ZP1: variants seen among roughly 807,000 people sequenced by gnomAD.
ZP1 encodes zona pellucida glycoprotein 1, also known as zona pellucida sperm-binding protein 1.
Under a neutral mutation model 67.4 loss-of-function variants are expected in ZP1, and 58 were observed. The ratio of observed to expected loss-of-function variants is 0.86; its 90% CI spans 0.70 to 1.07. The LOEUF is 1.07. Among genes scored for constraint, ZP1 ranks in the 50% least tolerant of loss-of-function variants. ZP1 has a pLI of 0.00. For missense variants in ZP1, 759 were observed against 807.3 expected (o/e 0.94, Z 0.72); for synonymous variants, 333 against 332.7 (o/e 1.00, Z -0.01).
Position 60,873,730 on chromosome 11 carries a change from C to T in ZP1, c.1527C>T (p.Thr509=), listed in dbSNP as rs1855639417. The change falls in exon 9 of 12, where the codon ACC becomes ACT. Residue 509 remains threonine, a synonymous_variant. Transcript: ENST00000278853. ...ACTACCAGCGATTCACTGTTGCTACCTTCGCCCTCCTGGACTCAGGCTCCC... is the reference window on the plus strand; with the variant it reads ...ACTACCAGCGATTCACTGTTGCTACTTTCGCCCTCCTGGACTCAGGCTCCC... ...QSHYQRFTVA[T]FALLDSGSQR... is the part of the protein sequence containing the mutation. The T allele has an allele frequency of 6.2e-7, 1 of 1,614,056 alleles. No homozygotes were observed. Among genetic ancestry groups the T allele is most frequent in the African/African-American group, 1.3e-5 (1 of 74,946 alleles).
intron 1 of ZP1, 31 bp from the exon 2 acceptor site, chr11:60,869,114 A>G: frequency 6.2e-7 from 1 of 1,613,652 alleles, no homozygotes; most frequent in Non-Finnish European, 8.5e-7. Flanking sequence ...ACCCTTCAAC[A>G]TCCCTGGCCC....
Position 60,873,535 on chromosome 11 carries a change from G to C in ZP1, c.1401G>C (p.Gln467His). The C allele has an allele frequency of 1.2e-6, 2 of 1,612,614 alleles. No homozygotes were observed. The highest frequency in any genetic ancestry group is 2.2e-5 in the South Asian group (2 of 91,062). ...CWGAPSANPF[Q>H]QPQWPILSDG... ...GCGCTCCCAGTGCCAACCCCTTCCAGCAGCCCCAGTGGCCCATCCTGTCAG... is the reference window on the plus strand; with the variant it reads ...GCGCTCCCAGTGCCAACCCCTTCCACCAGCCCCAGTGGCCCATCCTGTCAG... The change falls in exon 8 of 12, where the codon CAG becomes CAC. Residue 467 changes from glutamine (Q) to histidine (H), a missense_variant. Coordinates refer to ENST00000278853, the MANE Select transcript of ZP1 (RefSeq NM_207341.4).
intron 9 of ZP1, among the ~76,000 whole-genome samples, chr11:60,874,347 G>A (rs1447169219): frequency 2.0e-5 from 3 of 152,228 alleles, no homozygotes; most frequent in Admixed American, 2.0e-4. Flanking sequence ...CTGCCCATGA[G>A]TGGGGCCTCC....
intron 6 of ZP1, among the ~76,000 whole-genome samples, chr11:60,872,601 A>G (rs188778568): frequency 9.7e-4 from 148 of 152,334 alleles, no homozygotes; most frequent in African/African-American, 3.3e-3. Flanking sequence ...TACAAGGACA[A>G]TGAAGACACA....
At position 60,875,551 on chromosome 11, in the gene ZP1, G is replaced by A. The variant is rs753130244; in HGVS notation, c.1812G>A (p.Trp604Ter). The change falls in exon 12 of 12, where the codon TGG (tryptophan) becomes TGA (stop). Residue 604 changes from tryptophan (W) to a stop codon, truncating the protein, a stop_gained. Coordinates refer to ENST00000278853, the MANE Select transcript of ZP1 (RefSeq NM_207341.4). LOFTEE classifies it low-confidence loss of function (END_TRUNC). ...ACTCCAGCCTGAGACCTCTCCTTTG[G>A]GCGGTCCTTTTGCTGCCAGCTGTTG... is the stretch of plus-strand genomic sequence containing the variant. ...NGNSSLRPLL[W>*]AVLLLPAVAL... The A allele has an allele frequency of 6.8e-6, 11 of 1,614,080 alleles. No individual in the cohort carries two copies. Among genetic ancestry groups the A allele is most frequent in the Non-Finnish European group, 9.3e-6 (11 of 1,179,994 alleles).
chr11:60,870,489 C>G lies in ZP1; in HGVS notation c.826+14C>G. The G allele has an allele frequency of 6.3e-7, 1 of 1,592,044 alleles. No homozygotes were observed. Among genetic ancestry groups the G allele is most frequent in the Non-Finnish European group, 8.6e-7 (1 of 1,167,890 alleles). On this transcript the variant is annotated intron_variant, in intron 4 of 11. Coordinates refer to ENST00000278853, the MANE Select transcript of ZP1 (RefSeq NM_207341.4). ...ATGGCAACACAGGTACAACCTCCCACCCCAGCAAGATCCTGGTCCCTTGGA... is the reference window on the plus strand; with the variant it reads ...ATGGCAACACAGGTACAACCTCCCAGCCCAGCAAGATCCTGGTCCCTTGGA...
rs187270635 is a variant in ZP1 at position 60,868,356 on chromosome 11, C to T, written c.196+599C>T. On this transcript the variant is annotated intron_variant, in intron 1 of 11. Coordinates refer to ENST00000278853, the MANE Select transcript of ZP1 (RefSeq NM_207341.4). The stretch of plus-strand genomic sequence containing the variant: ...GCCACTGCACCCAGCCTAGGCTCTG[C>T]ATCTCTAACCACGCTCAGTCAAAAC... Among the ~76,000 whole-genome samples, 194 of 152,336 alleles carry T rather than the reference C, an allele frequency of 1.3e-3. 3 individuals are homozygous for T. Among genetic ancestry groups the T allele is most frequent in the African/African-American group, 4.5e-3 (186 of 41,580 alleles).
At chr11:60,875,315 A>G in intron 11 of ZP1, 67 bp downstream of exon 11, 1 of 1,557,896 alleles carries the variant, frequency 6.4e-7, no homozygotes, top group Non-Finnish European at 8.6e-7. Context: ...TGTGCTGACA[A>G]AACAGGGATG....
chr11:60,873,010 G>A, intron 6 of ZP1, 152 bp from the exon 7 acceptor site: 5 of 863,620 alleles, frequency 5.8e-6, no homozygotes, highest in South Asian at 2.2e-5. Flanking sequence ...AGCCTGCCTT[G>A]GAAATGCTGA....
chr11:60,874,965 C>T lies in ZP1; in HGVS notation c.1605C>T (p.His535=), dbSNP rs1855672376. The T allele has an allele frequency of 1.9e-6, 3 of 1,614,134 alleles. No individual in the cohort carries two copies. Among genetic ancestry groups the T allele is most frequent in the South Asian group, 1.1e-5 (1 of 91,096 alleles). ...VYLFCSTSAC[H]TSGLETCSTA... is the part of the protein sequence containing the mutation. ...TGTTCTGCAGCACCTCTGCCTGCCA[C>T]ACCTCAGGGCTGGAGACTTGCTCCA... The change falls in exon 10 of 12, where the codon CAC becomes CAT. Residue 535 remains histidine (H), a synonymous_variant. Transcript: ENST00000278853.
At position 60,867,753 on chromosome 11, in the gene ZP1, G is replaced by A. The variant is rs1259871715; in HGVS notation, c.192G>A (p.Val64=). ...CAGGCCAGACTCTCCGCTTCAAGGT[G>A]GTGGGTGAGTGCTGGCAGAGTCCTG... is the stretch of plus-strand genomic sequence containing the variant. ...PRPGQTLRFK[V]VDEFGNRFDV... The change falls in exon 1 of 12, where the codon GTG becomes GTA. Residue 64 remains valine, a synonymous_variant. Coordinates refer to ENST00000278853, the MANE Select transcript of ZP1 (RefSeq NM_207341.4). 2 of 1,613,228 alleles carry A rather than the reference G, an allele frequency of 1.2e-6. No homozygotes were observed. Among genetic ancestry groups the A allele is most frequent in the Non-Finnish European group, 8.5e-7 (1 of 1,179,648 alleles).
At chr11:60,872,793 C>T (rs1371231437) in intron 6 of ZP1, among the ~76,000 whole-genome samples, 1 of 152,202 alleles carries the variant, frequency 6.6e-6, no homozygotes, top group Non-Finnish European at 1.5e-5. Context: ...GGCTCATTCA[C>T]CAGCCTCAAC....
Position 60,875,134 on chromosome 11 carries a change from C to T in ZP1, c.1660C>T (p.Arg554Ter), listed in dbSNP as rs748241782. 3.4e-5 allele frequency: 55 copies of T among 1,613,736 alleles called. No homozygotes were observed. Among genetic ancestry groups the T allele is most frequent in the Non-Finnish European group, 4.0e-5 (47 of 1,179,982 alleles). The change falls in exon 11 of 12, where the codon CGA (arginine) becomes TGA (stop). Residue 554 changes from arginine (R) to a stop codon, truncating the protein, a stop_gained. Coordinates refer to ENST00000278853, the MANE Select transcript of ZP1 (RefSeq NM_207341.4). LOFTEE classifies it high-confidence loss of function. ...TACSTGTTRQRRSSGHRNDTA... is the reference protein window; with the variant it reads ...TACSTGTTRQ ...TTCATTCTTCCCCTGGGCAGGACAGCGACGATCCTCAGGTCACCGTAATGA... is the reference window on the plus strand; with the variant it reads ...TTCATTCTTCCCCTGGGCAGGACAGTGACGATCCTCAGGTCACCGTAATGA...
chr11:60,871,116 C>G lies in ZP1; in HGVS notation c.986C>G (p.Pro329Arg). ...GAAGCTTTCGTGGTCTTCTACTTCC[C>G]TCTCACCCACTGTGGAACCACAATG... ...HTEAFVVFYFPLTHCGTTMQV... is the reference protein window; with the variant it reads ...HTEAFVVFYFRLTHCGTTMQV... The change falls in exon 5 of 12, where the codon CCT becomes CGT. Residue 329 changes from proline (P) to arginine (R), a missense_variant. Pro to Arg is a moderately radical substitution (Grantham distance 103). Transcript: ENST00000278853. 1.2e-6 allele frequency: 2 copies of G among 1,614,138 alleles called. No homozygotes were observed. The highest frequency in any genetic ancestry group is 1.7e-6 in the Non-Finnish European group (2 of 1,179,990).
In ZP1 at chr11:60,871,014, C is replaced by T. The variant is rs550354924; in HGVS notation, c.884C>T (p.Ala295Val). ...YFVLVVSQEM[A>V]LTHRITLANI... ...GTCCTCGTGGTGTCCCAAGAAATGG[C>T]CTTGACACACAGGATCACACTGGCC... The change falls in exon 5 of 12, where the codon GCC (alanine) becomes GTC (valine). Residue 295 changes from alanine to valine, a missense_variant. Coordinates refer to ENST00000278853, the MANE Select transcript of ZP1 (RefSeq NM_207341.4). The T allele has an allele frequency of 8.1e-6, 13 of 1,614,228 alleles. No individual in the cohort carries two copies. Among genetic ancestry groups the T allele is most frequent in the South Asian group, 7.7e-5 (7 of 91,082 alleles).
rs1484283924 is a variant in ZP1 at position 60,875,470 on chromosome 11, T to C, written c.1775-44T>C. 6 of 1,607,816 alleles carry C rather than the reference T, an allele frequency of 3.7e-6. No homozygotes were observed. The African/African-American group carries it at 6.7e-5, about 18-fold the overall frequency. On this transcript the variant is annotated intron_variant, in intron 11 of 11. Coordinates refer to ENST00000278853, the MANE Select transcript of ZP1 (RefSeq NM_207341.4). ...AAAGTTCTGGGGTGGAGGGGAGGGT[T>C]GGAGGGGCCTCACCCAGCCCTGCCA... is the stretch of plus-strand genomic sequence containing the variant.
chr11:60,869,273 GTTGTT>G lies in ZP1; in HGVS notation c.318+8_318+12del. 6.2e-7 allele frequency: 1 copy of G among 1,614,138 alleles called. No homozygotes were observed. The highest frequency in any genetic ancestry group is 8.5e-7 in the Non-Finnish European group (1 of 1,180,010). On this transcript the variant is annotated splice_region_variant and intron_variant, in intron 2 of 11. Coordinates refer to ENST00000278853, the MANE Select transcript of ZP1 (RefSeq NM_207341.4). ...CTGCCACGTGCTGGAGAAGGTAGGG[GTTGTT>G]CATGCTCTGGCACAGGGGCAAGCTT...
chr11:60,869,836 C>G lies in ZP1; in HGVS notation c.618C>G (p.Ala206=), dbSNP rs1185997066. 6.2e-7 allele frequency: 1 copy of G among 1,604,430 alleles called. No individual in the cohort carries two copies. The highest frequency in any genetic ancestry group is 1.1e-5 in the South Asian group (1 of 89,378). The change falls in exon 3 of 12, where the codon GCC becomes GCG. Residue 206 remains alanine (A), a synonymous_variant. Coordinates refer to ENST00000278853, the MANE Select transcript of ZP1 (RefSeq NM_207341.4). Reference sequence around the variant, plus strand: ...CCCCTGGACCTGGACCTACCCTCGCCACCCTGGCTCAACCCCACTGGGGCA... The same window carrying G: ...CCCCTGGACCTGGACCTACCCTCGCGACCCTGGCTCAACCCCACTGGGGCA... ...LPSPGPGPTL[A]TLAQPHWGTL...
intron 1 of ZP1, among the ~76,000 whole-genome samples, chr11:60,868,452 C>G (rs1565102091): frequency 6.6e-6 from 1 of 152,194 alleles, no homozygotes; most frequent in Non-Finnish European, 1.5e-5. Context: ...GGGTTTAGAA[C>G]TGGGGTTTGG....
Sources: gnomAD v4.1 joint callset for allele counts (sites outside exome capture counted in the v4.1 genomes callset) on GRCh38, gnomAD v4.1.1 for gene constraint, MANE v1.5 for transcripts, NCBI Gene and HGNC (gene_info 2026-07-23, HGNC 2026-07-21) for gene names.